The following BRWD1 variants were observed in gnomAD, a reference collection of about 807,000 sequenced individuals.
The protein encoded by BRWD1 is bromodomain and WD repeat domain containing 1.
In BRWD1, 82 loss-of-function variants were observed where a neutral mutation model predicts 251.2. The observed-to-expected ratio is 0.33, with a 90% CI of 0.27 to 0.39. The LOEUF (loss-of-function observed/expected upper bound fraction) is 0.39. Ranked by LOEUF, BRWD1 falls within the 10% of genes least tolerant of loss-of-function variation. BRWD1 has a pLI of 1.00. For missense variants in BRWD1, 2,233 were observed against 2,711.6 expected (o/e 0.82, Z 3.92); for synonymous variants, 918 against 902.8 (o/e 1.02, Z -0.30).
At chr21:39,299,446 G>A (rs1275503895) in intron 4 of BRWD1, among the ~76,000 whole-genome samples, 1 of 152,026 alleles carries the variant, frequency 6.6e-6, no homozygotes, top group Admixed American at 6.6e-5. Flanking sequence ...GGTGCCAGGA[G>A]CCATAAGTGG....
Position 39,188,182 on chromosome 21 carries a change from G to GAT in BRWD1, c.*8075_*8076dup. On this transcript the variant is annotated 3_prime_UTR_variant, in exon 41 of 41. Coordinates refer to ENST00000342449, the MANE Select transcript of BRWD1 (RefSeq NM_033656.4). ...ATTAGTACTCTTCTAGAACAGAAGT[G>GAT]ATATTCCTTTTACGTATCTGAAGTT... The GAT allele has an allele frequency of 1.0e-6, 1 of 985,382 alleles. No individual in the cohort carries two copies. The highest frequency in any genetic ancestry group is 1.7e-5 in the African/African-American group (1 of 57,342). The allele number at this position is 985,382 out of a possible 1,614,324, so 61.0% of individuals were successfully genotyped here. A position where few individuals can be genotyped will look rare whatever the true frequency, so the allele number is the denominator to read the frequency against.
Position 39,193,668 on chromosome 21 carries a change from A to C in BRWD1, c.*2591T>G. ...AGTGCAGTGGAAAGGTACAGCACTT[A>C]TTTCTGGATCAGTTCACATTCAAAT... On this transcript the variant is annotated 3_prime_UTR_variant, in exon 41 of 41. Transcript: ENST00000342449. 1.0e-6 allele frequency: 1 copy of C among 985,528 alleles called. No individual in the cohort carries two copies. Among genetic ancestry groups the C allele is most frequent in the Non-Finnish European group, 1.2e-6 (1 of 829,682 alleles). 61.0% of individuals were successfully genotyped at this position (985,528 alleles called of 1,614,324 possible). A position where few individuals can be genotyped will look rare whatever the true frequency, so the allele number is the denominator to read the frequency against.
chr21:39,215,149 G>T, intron 32 of BRWD1, 88 bp downstream of exon 32: 2 of 1,362,156 alleles, frequency 1.5e-6, no homozygotes, highest in Non-Finnish European at 1.0e-6. Context: ...GGATTAACAG[G>T]CATGAGCCAC....
At chr21:39,252,203 C>G (rs2146615051) in intron 19 of BRWD1, among the ~76,000 whole-genome samples, 1 of 148,424 alleles carries the variant, frequency 6.7e-6, no homozygotes, top group African/African-American at 2.5e-5. Flanking sequence ...GAGCCAAGAT[C>G]ACACCATTAC....
chr21:39,295,485 C>A (rs147551524), intron 7 of BRWD1, among the ~76,000 whole-genome samples: 1 of 152,104 alleles, frequency 6.6e-6, no homozygotes, highest in Non-Finnish European at 1.5e-5. Flanking sequence ...CCGCGCCCGG[C>A]CAGGTATGTC....
chr21:39,236,630 G>A lies in BRWD1; in HGVS notation c.2731C>T (p.Arg911Ter), dbSNP rs1271947519. ...GGCTTATTTTCTTTCTTTCTCTTTC[G>A]TCTTCTTTTTGGAGGAGATAAATTC... Reference protein sequence around the residue: ...TENLSPPKRRRKRKKENKPKK... With the variant: ...TENLSPPKRR The change falls in exon 23 of 41, where the codon CGA becomes TGA. Residue 911 changes from arginine (R) to a stop codon, truncating the protein, a stop_gained. Coordinates refer to ENST00000342449, the MANE Select transcript of BRWD1 (RefSeq NM_033656.4). LOFTEE classifies it high-confidence loss of function. 6.2e-7 allele frequency: 1 copy of A among 1,607,650 alleles called. No homozygotes were observed. The highest frequency in any genetic ancestry group is 8.5e-7 in the Non-Finnish European group (1 of 1,177,270).
intron 31 of BRWD1, chr21:39,216,690 CTT>C: frequency 2.4e-6 from 1 of 419,618 alleles, no homozygotes; most frequent in South Asian, 1.9e-5. Context: ...CTACAATAAA[CTT>C]AGAGAAACCT....
rs188336112 is a variant in BRWD1, at chr21:39,231,749, G to A, written c.3000+428C>T. 2.7e-3 allele frequency among the ~76,000 whole-genome samples: 404 copies of A among 152,178 alleles called. 2 individuals are homozygous for A. The highest frequency in any genetic ancestry group is 9.4e-3 in the African/African-American group (392 of 41,534). ...ATTCTTTCTTGAGCTAAAAACAAAC[G>A]AAATCACAAAATTGGCTAAGTATTG... On this transcript the variant is annotated intron_variant, in intron 25 of 40. Transcript: ENST00000342449.
intron 35 of BRWD1, among the ~76,000 whole-genome samples, 168 bp from the exon 36 acceptor site, chr21:39,210,315 T>C (rs556169465): frequency 6.6e-6 from 1 of 152,302 alleles, no homozygotes; most frequent in East Asian, 1.9e-4. Flanking sequence ...AAAGAAAAGA[T>C]AGAAATATAC....
intron 26 of BRWD1, 108 bp downstream of exon 26, chr21:39,229,204 T>G: frequency 2.0e-6 from 2 of 981,786 alleles, no homozygotes; most frequent in Non-Finnish European, 3.0e-6. Context: ...CTATCCACAG[T>G]GCTCTACCAG....
intron 29 of BRWD1, among the ~76,000 whole-genome samples, chr21:39,220,853 G>A (rs547935245): frequency 1.3e-5 from 2 of 152,126 alleles, no homozygotes; most frequent in South Asian, 4.2e-4. Context: ...AAATATATAA[G>A]ATAAAAATAT....
At chr21:39,316,427 G>A (rs58103224), upstream of BRWD1, among the ~76,000 whole-genome samples, 725 of 152,286 alleles carry the variant, frequency 4.8e-3, 7 homozygotes, top group African/African-American at 0.017. Context: ...ATCTGATGCT[G>A]CAAGATTACC....
intron 19 of BRWD1, among the ~76,000 whole-genome samples, chr21:39,255,058 C>G (rs1449681631): frequency 6.6e-6 from 1 of 152,058 alleles, no homozygotes; most frequent in African/African-American, 2.4e-5. Flanking sequence ...AATATTACAT[C>G]TAGAATTTCT....
intron 5 of BRWD1, 51 bp from the exon 6 acceptor site, chr21:39,296,414 A>C: frequency 6.7e-7 from 1 of 1,495,044 alleles, no homozygotes; most frequent in East Asian, 2.4e-5. Context: ...TAACCCCAAG[A>C]AAGATTTTAT....
At chr21:39,310,987 A>C (rs995802912) in intron 4 of BRWD1, among the ~76,000 whole-genome samples, 4 of 152,074 alleles carry the variant, frequency 2.6e-5, no homozygotes, top group African/African-American at 9.7e-5. Flanking sequence ...ACTGGAGGGC[A>C]GAGAGGAAGG....
rs2031985705 is a variant in BRWD1 at position 39,199,269 on chromosome 21, T to C, written c.5147A>G (p.Glu1716Gly). The change falls in exon 40 of 41, where the codon GAA (glutamate) becomes GGA (glycine). Residue 1716 changes from glutamate to glycine, a missense_variant. Physicochemically the swap from Glu to Gly is moderately conservative, Grantham distance 98. Coordinates refer to ENST00000342449, the MANE Select transcript of BRWD1 (RefSeq NM_033656.4). Reference protein sequence around the residue: ...HTAQSNVDESENRDSESESDL... With the variant: ...HTAQSNVDESGNRDSESESDL... ...ACTTTCTGACTCTGAGTCTCTGTTT[T>C]CAGATTCATCAACATTGCTCTGGGC... The C allele has an allele frequency of 1.2e-6, 2 of 1,614,236 alleles. No homozygotes were observed. The highest frequency in any genetic ancestry group is 3.3e-5 in the Admixed American group (2 of 60,034).
Position 39,269,907 on chromosome 21 carries a change from A to G in BRWD1, c.1522T>C (p.Phe508Leu). 1 of 1,520,852 alleles carries G rather than the reference A, an allele frequency of 6.6e-7. No homozygotes were observed. The highest frequency in any genetic ancestry group is 8.8e-7 in the Non-Finnish European group (1 of 1,130,860). The allele number at this position is 1,520,852 out of a possible 1,614,324, so 94.2% of individuals were successfully genotyped here. The part of the protein sequence containing the change: ...ITKGTKMKHY[F>L]NMIEGQGHGA... ...CATCTCACTTCACTTACCATATTAA[A>G]ATAATGTTTCATCTTGGTACCTTTT... The change falls in exon 15 of 41, where the codon TTT becomes CTT. Residue 508 changes from phenylalanine (F) to leucine (L), a missense_variant. Coordinates refer to ENST00000342449, the MANE Select transcript of BRWD1 (RefSeq NM_033656.4).
intron 4 of BRWD1, among the ~76,000 whole-genome samples, chr21:39,304,957 A>ACTT (rs2036239138): frequency 8.3e-6 from 1 of 121,206 alleles, no homozygotes; most frequent in Non-Finnish European, 1.6e-5. Flanking sequence ...ATATTTGGAG[A>ACTT]TTTTTTTTTT....
chr21:39,313,527 C>A lies in BRWD1; in HGVS notation c.-36G>T. The stretch of plus-strand genomic sequence containing the variant: ...GGGGCGGGAGGCGGGAGCGAGCGAG[C>A]GAGCGGAGCGTGTAGGCCGCGCCGA... On this transcript the variant is annotated 5_prime_UTR_variant, in exon 1 of 41. Transcript: ENST00000342449. The A allele has an allele frequency of 2.0e-5, 27 of 1,326,528 alleles. No individual in the cohort carries two copies. The highest frequency in any genetic ancestry group is 2.6e-5 in the Non-Finnish European group (27 of 1,044,794). 82.2% of individuals were successfully genotyped at this position (1,326,528 alleles called of 1,614,324 possible).
Sources: allele counts gnomAD v4.1 joint callset (sites outside exome capture counted in the v4.1 genomes callset), GRCh38; gene constraint gnomAD v4.1.1; transcripts MANE v1.5; gene names NCBI Gene and HGNC (gene_info 2026-07-23, HGNC 2026-07-21).